SOX13: variants seen among roughly 807,000 people sequenced by gnomAD.
SOX13 encodes transcription factor SOX-13.
Under a neutral mutation model 71.8 loss-of-function variants are expected in SOX13, and 28 were observed. The observed-to-expected ratio is 0.39, with a 90% CI of 0.29 to 0.53. The LOEUF is 0.53. SOX13 is among the 20% of genes least tolerant of loss of function. The pLI is 0.70. For missense variants in SOX13, 627 were observed against 810.3 expected (o/e 0.77, Z 2.75); for synonymous variants, 309 against 317.8 (o/e 0.97, Z 0.29).
chr1:204,075,332 C>T (rs1443595878), intron 1 of SOX13, among the ~76,000 whole-genome samples: 1 of 152,038 alleles, frequency 6.6e-6, no homozygotes, highest in Non-Finnish European at 1.5e-5. Flanking sequence ...TCCCCCGCTC[C>T]CTGGCTCCCC....
intron 12 of SOX13, 22 bp from the exon 13 acceptor site, chr1:204,124,619 T>TGCCC (rs763690692): frequency 6.3e-7 from 1 of 1,591,356 alleles, no homozygotes; most frequent in Non-Finnish European, 8.6e-7. Context: ...ACTGACTGCC[T>TGCCC]GCCCCTGGGG....
At position 204,105,090 on chromosome 1, in the gene SOX13, T is replaced by C. The variant is rs376004386; in HGVS notation, c.-1-7825T>C. 1.8e-3 allele frequency among the ~76,000 whole-genome samples: 276 copies of C among 152,248 alleles called. 2 individuals carry two copies. The highest frequency in any genetic ancestry group is 6.3e-3 in the African/African-American group (261 of 41,548). ...GGCACCTGCAGCGGGCTTTGTCATA[T>C]AAGCGCCATGCTTTGAGCCACTGTC... On this transcript the variant is annotated intron_variant, in intron 1 of 13. Transcript: ENST00000367204.
At chr1:204,087,191 G>C (rs1240117285) in intron 1 of SOX13, among the ~76,000 whole-genome samples, 1 of 152,212 alleles carries the variant, frequency 6.6e-6, no homozygotes, top group Admixed American at 6.5e-5. Context: ...CAAAATGCTG[G>C]GATTACAGGC....
At chr1:204,098,909 C>A (rs562696672) in intron 1 of SOX13, among the ~76,000 whole-genome samples, 1 of 152,344 alleles carries the variant, frequency 6.6e-6, no homozygotes, top group South Asian at 2.1e-4. Context: ...CACCTGGTCC[C>A]TTGGCATAGC....
chr1:204,113,142 T>C lies in SOX13; in HGVS notation c.219+8T>C, dbSNP rs1359521447. ...AATTTCAGGGGCTCCTGGGTCAGTG[T>C]CCCCGCCCTGCCTCCATCCTCACAC... On this transcript the variant is annotated splice_region_variant and intron_variant, in intron 2 of 13. Transcript: ENST00000367204. 6.5e-7 allele frequency: 1 copy of C among 1,527,124 alleles called. No individual in the cohort carries two copies. Among genetic ancestry groups the C allele is most frequent in the East Asian group, 2.4e-5 (1 of 40,862 alleles). 94.6% of individuals were successfully genotyped at this position (1,527,124 alleles called of 1,614,324 possible). A position where few individuals can be genotyped will look rare whatever the true frequency, so the allele number is the denominator to read the frequency against.
intron 1 of SOX13, among the ~76,000 whole-genome samples, chr1:204,099,156 A>G (rs1372097744): frequency 6.6e-6 from 1 of 152,010 alleles, no homozygotes; most frequent in Non-Finnish European, 1.5e-5. Context: ...CCAACACTTA[A>G]AAGAAGAGAC....
Position 204,126,317 on chromosome 1 carries a change from T to C in SOX13, c.*183T>C. 2 of 686,056 alleles carry C rather than the reference T, an allele frequency of 2.9e-6. No individual in the cohort carries two copies. The highest frequency in any genetic ancestry group is 4.9e-6 in the Non-Finnish European group (2 of 411,480). The allele number at this position is 686,056 out of a possible 1,614,324, so 42.5% of individuals were successfully genotyped here. A position where few individuals can be genotyped will look rare whatever the true frequency, so the allele number is the denominator to read the frequency against. ...GAGGCGCCCTCCCTTCCTGAGGAGCTGTTGGCCTGGGTGGGCAGGAACTGC... is the reference window on the plus strand; with the variant it reads ...GAGGCGCCCTCCCTTCCTGAGGAGCCGTTGGCCTGGGTGGGCAGGAACTGC... On this transcript the variant is annotated 3_prime_UTR_variant, in exon 14 of 14. Coordinates refer to ENST00000367204, the MANE Select transcript of SOX13 (RefSeq NM_005686.3).
chr1:204,124,009 C>T (rs1351655433), intron 12 of SOX13, among the ~76,000 whole-genome samples: 1 of 152,156 alleles, frequency 6.6e-6, no homozygotes, highest in Non-Finnish European at 1.5e-5. Flanking sequence ...CACCTGTCCT[C>T]AAGAACTCAA....
At chr1:204,090,975 C>A (rs1018778061) in intron 1 of SOX13, among the ~76,000 whole-genome samples, 1 of 152,156 alleles carries the variant, frequency 6.6e-6, no homozygotes, top group African/African-American at 2.4e-5. Context: ...GAACCTTGGA[C>A]ACGGGCCGAG....
intron 1 of SOX13, among the ~76,000 whole-genome samples, chr1:204,098,585 T>G (rs1315946590): frequency 1.3e-5 from 2 of 152,246 alleles, no homozygotes; most frequent in Non-Finnish European, 2.9e-5. Context: ...TGACTACGAC[T>G]ATTCATTAGG....
chr1:204,126,999 C>T lies in SOX13; in HGVS notation c.*865C>T, dbSNP rs752169295. ...TGGGTCTATGTAGGCCCCTGGTCTG[C>T]CCTGGGCTCATCAGCCTTCCTGACC... is the stretch of plus-strand genomic sequence containing the variant. On this transcript the variant is annotated 3_prime_UTR_variant, in exon 14 of 14. Coordinates refer to ENST00000367204, the MANE Select transcript of SOX13 (RefSeq NM_005686.3). 1.5e-3 allele frequency: 234 copies of T among 153,778 alleles called. 1 individual carries two copies. The highest frequency in any genetic ancestry group is 5.4e-4 in the Non-Finnish European group (37 of 68,752). 9.5% of individuals were successfully genotyped at this position (153,778 alleles called of 1,614,324 possible). A position where few individuals can be genotyped will look rare whatever the true frequency, so the allele number is the denominator to read the frequency against.
chr1:204,112,395 C>G lies in SOX13; in HGVS notation c.-1-520C>G, dbSNP rs2004146. ...GGCGGAGGTTGCAGTGAGCCGAGATCGTGCCCTTGCACTCCAGCCTAGGTG... is the reference window on the plus strand; with the variant it reads ...GGCGGAGGTTGCAGTGAGCCGAGATGGTGCCCTTGCACTCCAGCCTAGGTG... On this transcript the variant is annotated intron_variant, in intron 1 of 13. Transcript: ENST00000367204. Among the ~76,000 whole-genome samples the G allele has an allele frequency of 2.0e-5, 3 of 151,064 alleles. No homozygotes were observed. In the South Asian group the frequency reaches 6.3e-4, roughly 32 times the overall value.
rs981386218 is a variant in SOX13 at position 204,073,576 on chromosome 1, C to T, written c.-137C>T. On this transcript the variant is annotated 5_prime_UTR_variant, in exon 1 of 14. Coordinates refer to ENST00000367204, the MANE Select transcript of SOX13 (RefSeq NM_005686.3). This position sits in a 1 kb window ranked among gnomAD's most constrained non-coding sequence, Gnocchi z 6.8. ...GTGCCCCCTCCCAGCCCAGCCTCCC[C>T]AACCCGGCCCGCCCGCCGCGTCGCG... 3 of 151,792 alleles carry T rather than the reference C, an allele frequency of 2.0e-5. No individual in the cohort carries two copies. The highest frequency in any genetic ancestry group is 2.9e-5 in the Non-Finnish European group (2 of 67,892). 9.4% of individuals were successfully genotyped at this position (151,792 alleles called of 1,614,324 possible).
intron 1 of SOX13, among the ~76,000 whole-genome samples, chr1:204,110,710 C>A (rs1056416007): frequency 6.6e-6 from 1 of 151,968 alleles, no homozygotes; most frequent in Admixed American, 6.6e-5. Flanking sequence ...ATATACAATG[C>A]GTGTTTCATA....
Position 204,123,767 on chromosome 1 carries a change from C to A in SOX13, c.1338C>A (p.Phe446Leu). ...AGCGGAGGAAGATCCTGCAAGCCTT[C>A]CCAGACATGCACAACTCCAGCATCA... ...KDERRKILQA[F>L]PDMHNSSISK... The change falls in exon 12 of 14, where the codon TTC (phenylalanine) becomes TTA (leucine). Residue 446 changes from phenylalanine (F) to leucine (L), a missense_variant. Transcript: ENST00000367204. The surrounding 1 kb of genome is among the most constrained non-coding windows in gnomAD (Gnocchi z 5.0). 1 of 1,614,198 alleles carries A rather than the reference C, an allele frequency of 6.2e-7. No homozygotes were observed. Among genetic ancestry groups the A allele is most frequent in the Non-Finnish European group, 8.5e-7 (1 of 1,180,030 alleles).
intron 4 of SOX13, among the ~76,000 whole-genome samples, chr1:204,115,657 C>CTTTTTTTTTTTTTTTTTTTTT (rs771014997): frequency 1.7e-5 from 1 of 57,382 alleles, no homozygotes; most frequent in African/African-American, 7.3e-5. Flanking sequence ...GCTTCTTCTT[C>CTTTTTTTTTTTTTTTTTTTTT]TTTTTTTTTT....
In SOX13 at chr1:204,127,256, G is replaced by C. The variant is rs1382292488; in HGVS notation, c.*1122G>C. 1 of 152,200 alleles carries C rather than the reference G, an allele frequency of 6.6e-6. No homozygotes were observed. 9.4% of individuals were successfully genotyped at this position (152,200 alleles called of 1,614,324 possible). ...TGGAGAGGGGCTGTCCATGGCAGCTGGTCTTTATTCCTCCCTCATGAGCAC... is the reference window on the plus strand; with the variant it reads ...TGGAGAGGGGCTGTCCATGGCAGCTCGTCTTTATTCCTCCCTCATGAGCAC... On this transcript the variant is annotated 3_prime_UTR_variant, in exon 14 of 14. Coordinates refer to ENST00000367204, the MANE Select transcript of SOX13 (RefSeq NM_005686.3).
Position 204,123,882 on chromosome 1 carries a change from G to A in SOX13, c.1375+78G>A, listed in dbSNP as rs1656863623. 3 of 1,517,392 alleles carry A rather than the reference G, an allele frequency of 2.0e-6. No individual in the cohort carries two copies. The highest frequency in any genetic ancestry group is 2.3e-5 in the South Asian group (2 of 86,270). The allele number at this position is 1,517,392 out of a possible 1,614,324, so 94.0% of individuals were successfully genotyped here. A position where few individuals can be genotyped will look rare whatever the true frequency, so the allele number is the denominator to read the frequency against. On this transcript the variant is annotated intron_variant, in intron 12 of 13. Coordinates refer to ENST00000367204, the MANE Select transcript of SOX13 (RefSeq NM_005686.3). The surrounding 1 kb of genome is among the most constrained non-coding windows in gnomAD (Gnocchi z 5.0). ...AGCTGGGTCTATTCAGGGCTTGCTT[G>A]GTGATATTCCATACTGTGTTGGACT...
chr1:204,091,070 C>G (rs550833933), intron 1 of SOX13, among the ~76,000 whole-genome samples: 96 of 152,332 alleles, frequency 6.3e-4, no homozygotes, highest in African/African-American at 2.2e-3. Flanking sequence ...CAGGCTGAAG[C>G]TGCTCTCTCA....
Sources: gnomAD v4.1 joint callset for allele counts (sites outside exome capture counted in the v4.1 genomes callset) on GRCh38, gnomAD v4.1.1 for gene constraint, Gnocchi (gnomAD v3.1) non-coding constraint, MANE v1.5 for transcripts, NCBI Gene and HGNC (gene_info 2026-07-23, HGNC 2026-07-21) for gene names.